Variants in HIF1AN observed in about 807,000 individuals in gnomAD.
HIF1AN encodes the protein hypoxia inducible factor 1 subunit alpha inhibitor.
A neutral mutation model predicts 47.7 loss-of-function variants in HIF1AN; 21 were observed. The observed-to-expected ratio is 0.44, with a 90% confidence interval of 0.31 to 0.63. The LOEUF (loss-of-function observed/expected upper bound fraction) is 0.63, where lower values mean the gene tolerates loss of function less well. Among genes scored for constraint, HIF1AN ranks in the 30% least tolerant of loss-of-function variants. The pLI is 0.07. For synonymous variants in HIF1AN, 152 were observed against 155.9 expected, an observed-to-expected ratio of 0.98 and a Z score of 0.18; for missense variants, 320 against 432.7, an observed-to-expected ratio of 0.74 and a Z score of 2.31.
Position 100,548,174 on chromosome 10 carries a change from T to TA in HIF1AN, c.*38dup, listed in dbSNP as rs746139813. ...TCAAGGCCTCCTGCCAGGTGACTGC[T>TA]ATCCCGTCCACACCGCTTCATTGAT... is the stretch of plus-strand genomic sequence containing the variant. On this transcript the variant is annotated 3_prime_UTR_variant, in exon 8 of 8. Coordinates refer to ENST00000299163, the MANE Select transcript of HIF1AN (RefSeq NM_017902.3). The TA allele has an allele frequency of 6.4e-7, 1 of 1,571,966 alleles. No homozygotes were observed. Among genetic ancestry groups the TA allele is most frequent in the Non-Finnish European group, 8.7e-7 (1 of 1,154,658 alleles).
At chr10:100,540,924 C>T in intron 3 of HIF1AN, 142 bp downstream of exon 3, 1 of 803,910 alleles carries the variant, frequency 1.2e-6, no homozygotes. Context: ...CTAAAAGAAA[C>T]ATAATAGGGG....
chr10:100,550,792 C>G lies in HIF1AN; in HGVS notation c.*2655C>G, dbSNP rs987067057. On this transcript the variant is annotated 3_prime_UTR_variant, in exon 8 of 8. Coordinates refer to ENST00000299163, the MANE Select transcript of HIF1AN (RefSeq NM_017902.3). ...AACTCCTCCCGGCATGCTTTTGCAT[C>G]TATAGAACTGAAGCTGTAGTTCTAG... is the stretch of plus-strand genomic sequence containing the variant. The G allele has an allele frequency of 1.3e-5, 2 of 152,224 alleles. No homozygotes were observed. Among genetic ancestry groups the G allele is most frequent in the Non-Finnish European group, 2.9e-5 (2 of 68,046 alleles). 9.4% of individuals were successfully genotyped at this position (152,224 alleles called of 1,614,324 possible).
rs983679335 is a variant in HIF1AN at position 100,553,535 on chromosome 10, T to G, written c.*5398T>G. On this transcript the variant is annotated 3_prime_UTR_variant, in exon 8 of 8. Coordinates refer to ENST00000299163, the MANE Select transcript of HIF1AN (RefSeq NM_017902.3). ...CTATCTCTCCACTCCTCCAAGAGTT[T>G]GAGTCCCATAGCTGATGAAAGAATT... is the stretch of plus-strand genomic sequence containing the variant. The G allele has an allele frequency of 2.0e-5, 3 of 152,224 alleles. No individual in the cohort carries two copies. Among genetic ancestry groups the G allele is most frequent in the Non-Finnish European group, 4.4e-5 (3 of 68,040 alleles). 9.4% of individuals were successfully genotyped at this position (152,224 alleles called of 1,614,324 possible).
chr10:100,556,396 G>C lies in HIF1AN; in HGVS notation c.*8259G>C, dbSNP rs903609141. ...CTAAAGAGGCATTGAAGGTTTGTAT[G>C]AGCCAGCAGCACAGTCAGAAGGCAA... On this transcript the variant is annotated 3_prime_UTR_variant, in exon 8 of 8. Transcript: ENST00000299163. The C allele has an allele frequency of 1.3e-5, 2 of 152,254 alleles. No homozygotes were observed. Among genetic ancestry groups the C allele is most frequent in the Admixed American group, 1.3e-4 (2 of 15,272 alleles). The allele number at this position is 152,254 out of a possible 1,614,324, so 9.4% of individuals were successfully genotyped here.
chr10:100,543,351 G>A (rs1057030469), intron 3 of HIF1AN, among the ~76,000 whole-genome samples: 1 of 152,096 alleles, frequency 6.6e-6, no homozygotes, highest in Non-Finnish European at 1.5e-5. Flanking sequence ...CACCATGCTT[G>A]GCTAATTTTT....
chr10:100,540,179 T>C (rs1471770893), intron 2 of HIF1AN, among the ~76,000 whole-genome samples: 1 of 151,606 alleles, frequency 6.6e-6, no homozygotes, highest in Non-Finnish European at 1.5e-5. Flanking sequence ...TTTTTTTAAT[T>C]TTATTTTTCA....
Position 100,549,477 on chromosome 10 carries a change from C to CA in HIF1AN, c.*1342dup, listed in dbSNP as rs1843133636. Reference sequence around the variant, plus strand: ...TGCCAGACCCCGTTGTAATGTGCCACAACACCCTCAATAGTCAGGGCAACT... The same window carrying CA: ...TGCCAGACCCCGTTGTAATGTGCCACAAACACCCTCAATAGTCAGGGCAACT... On this transcript the variant is annotated 3_prime_UTR_variant, in exon 8 of 8. Coordinates refer to ENST00000299163, the MANE Select transcript of HIF1AN (RefSeq NM_017902.3). 1 of 152,414 alleles carries CA rather than the reference C, an allele frequency of 6.6e-6. No individual in the cohort carries two copies. The highest frequency in any genetic ancestry group is 2.4e-5 in the African/African-American group (1 of 41,576). The allele number at this position is 152,414 out of a possible 1,614,324, so 9.4% of individuals were successfully genotyped here.
rs1042112969 is a variant in HIF1AN at position 100,549,323 on chromosome 10, C to T, written c.*1186C>T. 1 of 152,234 alleles carries T rather than the reference C, an allele frequency of 6.6e-6. No homozygotes were observed. The highest frequency in any genetic ancestry group is 2.4e-5 in the African/African-American group (1 of 41,438). The allele number at this position is 152,234 out of a possible 1,614,324, so 9.4% of individuals were successfully genotyped here. On this transcript the variant is annotated 3_prime_UTR_variant, in exon 8 of 8. Transcript: ENST00000299163. ...TGATGCTCCCTGCCCAGGCCATATC[C>T]TTTATTCCTGCTGAGCTTCCTGGCT...
chr10:100,546,818 C>T (rs1843098484), intron 6 of HIF1AN, among the ~76,000 whole-genome samples: 1 of 152,032 alleles, frequency 6.6e-6, no homozygotes, highest in Admixed American at 6.5e-5. Context: ...CGGCTCACTG[C>T]AACTTCTGCC....
chr10:100,544,835 A>G, intron 3 of HIF1AN, 116 bp from the exon 4 acceptor site: 1 of 962,072 alleles, frequency 1.0e-6, no homozygotes, highest in South Asian at 1.6e-5. Context: ...CTAAATTTTG[A>G]TTTGGAACTT....
intron 4 of HIF1AN, 29 bp from the exon 5 acceptor site, chr10:100,545,914 A>T: frequency 6.8e-7 from 1 of 1,470,852 alleles, no homozygotes; most frequent in Non-Finnish European, 9.5e-7. Flanking sequence ...GGTGATTGAT[A>T]TTTTTTTTCT....
At chr10:100,538,640 G>A (rs1281782244) in intron 2 of HIF1AN, among the ~76,000 whole-genome samples, 2 of 151,926 alleles carry the variant, frequency 1.3e-5, no homozygotes, top group African/African-American at 4.8e-5. Context: ...GGCTAACGTG[G>A]TGAAACCCCG....
At chr10:100,536,949 T>C (rs1385019058) in intron 2 of HIF1AN, among the ~76,000 whole-genome samples, 1 of 152,206 alleles carries the variant, frequency 6.6e-6, no homozygotes, top group Admixed American at 6.5e-5. Flanking sequence ...GTTAGTTGCC[T>C]AGAAGGGTCA....
In HIF1AN at chr10:100,551,044, G is replaced by T. The variant is rs544574944; in HGVS notation, c.*2907G>T. 15 of 152,212 alleles carry T rather than the reference G, an allele frequency of 9.9e-5. No homozygotes were observed. Among genetic ancestry groups the T allele is most frequent in the Non-Finnish European group, 1.8e-4 (12 of 68,048 alleles). 9.4% of individuals were successfully genotyped at this position (152,212 alleles called of 1,614,324 possible). On this transcript the variant is annotated 3_prime_UTR_variant, in exon 8 of 8. Coordinates refer to ENST00000299163, the MANE Select transcript of HIF1AN (RefSeq NM_017902.3). ...TTGGGCCTGTATAGAGGTCAGCTAC[G>T]CTGCAGGCTCATCTATTCACACCAG...
chr10:100,557,870 A>G lies in HIF1AN; in HGVS notation c.*9733A>G, dbSNP rs1321731118. 2.0e-5 allele frequency: 3 copies of G among 152,306 alleles called. No individual in the cohort carries two copies. Among genetic ancestry groups the G allele is most frequent in the Non-Finnish European group, 4.4e-5 (3 of 68,026 alleles). 9.4% of individuals were successfully genotyped at this position (152,306 alleles called of 1,614,324 possible). A position where few individuals can be genotyped will look rare whatever the true frequency, so the allele number is the denominator to read the frequency against. The stretch of plus-strand genomic sequence containing the variant: ...AGTAAATGTTAGTTTCTTTTCCTCC[A>G]TTTCTTCTTAGGAAGCATCGTTTAC... On this transcript the variant is annotated 3_prime_UTR_variant, in exon 8 of 8. Transcript: ENST00000299163.
intron 7 of HIF1AN, among the ~76,000 whole-genome samples, chr10:100,547,830 T>C (rs1843108676): frequency 6.6e-6 from 1 of 151,752 alleles, no homozygotes. Flanking sequence ...TCTGACCATG[T>C]CTGTCCGTTT....
At chr10:100,547,361 C>T in intron 7 of HIF1AN, 111 bp downstream of exon 7, 1 of 690,918 alleles carries the variant, frequency 1.4e-6, no homozygotes. Flanking sequence ...CCTCTCTCTC[C>T]ATAGAGGTTA....
In HIF1AN at chr10:100,546,092, T is replaced by C. The variant is rs760705101; in HGVS notation, c.830+43T>C. 7.7e-6 allele frequency: 10 copies of C among 1,302,822 alleles called. No individual in the cohort carries two copies. The African/African-American group carries it at 1.2e-4, about 15-fold the overall frequency. 80.7% of individuals were successfully genotyped at this position (1,302,822 alleles called of 1,614,324 possible). A position where few individuals can be genotyped will look rare whatever the true frequency, so the allele number is the denominator to read the frequency against. On this transcript the variant is annotated intron_variant, in intron 5 of 7. Transcript: ENST00000299163. ...GCTGGGGGCTTTTTGGGAGCTTTCTTTTCCATTCCCTGGAAAGCCTTGTCT... is the reference window on the plus strand; with the variant it reads ...GCTGGGGGCTTTTTGGGAGCTTTCTCTTCCATTCCCTGGAAAGCCTTGTCT...
Position 100,548,604 on chromosome 10 carries a change from C to T in HIF1AN, c.*467C>T. On this transcript the variant is annotated 3_prime_UTR_variant, in exon 8 of 8. Coordinates refer to ENST00000299163, the MANE Select transcript of HIF1AN (RefSeq NM_017902.3). ...AGAGAGATGAGATGCTCTTGGACTCCCCACTGCATCTGGGCTGCAGGGCCA... is the reference window on the plus strand; with the variant it reads ...AGAGAGATGAGATGCTCTTGGACTCTCCACTGCATCTGGGCTGCAGGGCCA... 1 of 156,524 alleles carries T rather than the reference C, an allele frequency of 6.4e-6. No homozygotes were observed. Among genetic ancestry groups the T allele is most frequent in the Non-Finnish European group, 1.4e-5 (1 of 70,312 alleles). The allele number at this position is 156,524 out of a possible 1,614,324, so 9.7% of individuals were successfully genotyped here. A position where few individuals can be genotyped will look rare whatever the true frequency, so the allele number is the denominator to read the frequency against.
Sources: gnomAD v4.1 joint callset for allele counts (sites outside exome capture counted in the v4.1 genomes callset) on GRCh38, gnomAD v4.1.1 for gene constraint, MANE v1.5 for transcripts, NCBI Gene and HGNC (gene_info 2026-07-23, HGNC 2026-07-21) for gene names.